The following USP32 variants were observed in gnomAD, a reference collection of about 807,000 sequenced individuals.
The protein encoded by USP32 is ubiquitin specific peptidase 32.
USP32 carries 59 observed loss-of-function variants against 204.8 expected under a neutral mutation model. That is an observed-to-expected ratio of 0.29 (90% CI 0.23 to 0.36). The LOEUF is 0.36. Ranked by LOEUF, USP32 falls within the 10% of genes least tolerant of loss-of-function variation. The probability of loss-of-function intolerance (pLI) is 1.00; values close to 1 mark genes in which losing one functional copy is unlikely to be tolerated. For synonymous variants in USP32, 517 were observed against 678.4 expected, an observed-to-expected ratio of 0.76 and a Z score of 3.70; for missense variants, 1,160 against 1,946.4, an observed-to-expected ratio of 0.60 and a Z score of 7.60.
chr17:60,416,665 G>A (rs1051048576), intron 1 of USP32, among the ~76,000 whole-genome samples: 2 of 152,034 alleles, frequency 1.3e-5, no homozygotes, highest in Non-Finnish European at 2.9e-5. Context: ...AGGTTCAATT[G>A]TCTCTTCAGG....
chr17:60,363,358 G>A (rs1051180201), intron 1 of USP32, among the ~76,000 whole-genome samples: 2 of 150,962 alleles, frequency 1.3e-5, no homozygotes, highest in Non-Finnish European at 3.0e-5. Context: ...AGGAGGCTGA[G>A]GCAGGAGAAT....
intron 5 of USP32, 22 bp downstream of exon 5, chr17:60,288,501 A>G (rs749701471): frequency 1.3e-6 from 2 of 1,564,058 alleles, no homozygotes; most frequent in South Asian, 2.4e-5. Flanking sequence ...CAAACAGAAA[A>G]CAATGAAATG....
chr17:60,314,615 C>G (rs1215688504), intron 2 of USP32, among the ~76,000 whole-genome samples: 3 of 152,016 alleles, frequency 2.0e-5, no homozygotes, highest in Admixed American at 2.0e-4. Flanking sequence ...TGAAAAACCA[C>G]CAAGCTTTTT....
chr17:60,375,236 A>C (rs1360863757), intron 1 of USP32, among the ~76,000 whole-genome samples: 2 of 152,188 alleles, frequency 1.3e-5, no homozygotes, highest in East Asian at 3.8e-4. Flanking sequence ...ACCAACTGTG[A>C]GAGAGTTTTT....
intron 2 of USP32, among the ~76,000 whole-genome samples, chr17:60,341,658 C>T (rs1001897108): frequency 9.9e-5 from 15 of 152,106 alleles, no homozygotes; most frequent in Non-Finnish European, 7.4e-5. Flanking sequence ...ATTTGATATT[C>T]GATCACTGAT....
At chr17:60,268,042 C>T (rs2086638980) in intron 7 of USP32, among the ~76,000 whole-genome samples, 1 of 151,694 alleles carries the variant, frequency 6.6e-6, no homozygotes, top group African/African-American at 2.4e-5. Flanking sequence ...AACTCCTGAC[C>T]TCAGATGATC....
At chr17:60,256,816 G>T in intron 9 of USP32, 1 of 1,053,056 alleles carries the variant, frequency 9.5e-7, no homozygotes. Context: ...CATACTTATA[G>T]GTGAATTCTG....
intron 1 of USP32, among the ~76,000 whole-genome samples, chr17:60,390,732 T>G (rs551923806): frequency 3.3e-5 from 5 of 152,288 alleles, no homozygotes; most frequent in Admixed American, 1.3e-4. Context: ...TTAATCTAAT[T>G]ACCATTTTAT....
intron 1 of USP32, among the ~76,000 whole-genome samples, chr17:60,404,868 T>C (rs1178544825): frequency 6.6e-6 from 1 of 152,178 alleles, no homozygotes; most frequent in Non-Finnish European, 1.5e-5. Context: ...TAATCACTAC[T>C]AAATGTCCCA....
chr17:60,388,627 G>A lies in USP32; in HGVS notation c.58+3255C>T, dbSNP rs554461914. ...AAGTGTACTTCCTTAGAAAACACAC[G>A]CAATATAAACAAGAGTCAAGGCTTT... On this transcript the variant is annotated intron_variant, in intron 1 of 33. Coordinates refer to ENST00000300896, the MANE Select transcript of USP32 (RefSeq NM_032582.4). 2.6e-5 allele frequency among the ~76,000 whole-genome samples: 4 copies of A among 152,080 alleles called. No individual in the cohort carries two copies. In the East Asian group the frequency reaches 5.8e-4, roughly 22 times the overall value.
In USP32 at chr17:60,178,798, T is replaced by C. The variant is rs1219633989; in HGVS notation, c.*457A>G. On this transcript the variant is annotated 3_prime_UTR_variant, in exon 34 of 34. Transcript: ENST00000300896. Reference sequence around the variant, plus strand: ...GATCTTGCTTTCTCCATCTTGTCAATATAATGGAATAAAACTTCAGGAAAA... The same window carrying C: ...GATCTTGCTTTCTCCATCTTGTCAACATAATGGAATAAAACTTCAGGAAAA... 6.6e-6 allele frequency among the ~76,000 whole-genome samples: 1 copy of C among 152,248 alleles called. No homozygotes were observed. The highest frequency in any genetic ancestry group is 2.4e-5 in the African/African-American group (1 of 41,470).
intron 2 of USP32, among the ~76,000 whole-genome samples, chr17:60,336,383 T>C (rs2088516341): frequency 7.0e-6 from 1 of 143,234 alleles, no homozygotes; most frequent in South Asian, 2.1e-4. Context: ...ACTGTCATCT[T>C]ACAGAAGCCT....
intron 3 of USP32, among the ~76,000 whole-genome samples, chr17:60,297,299 T>C (rs1417453497): frequency 6.6e-6 from 1 of 152,000 alleles, no homozygotes; most frequent in Admixed American, 6.6e-5. Context: ...CTCAGAAGGC[T>C]GAAACAGGAG....
chr17:60,413,868 A>G (rs1488222905), intron 1 of USP32, among the ~76,000 whole-genome samples: 1 of 145,762 alleles, frequency 6.9e-6, no homozygotes, highest in Non-Finnish European at 1.5e-5. Flanking sequence ...TCTCAAAAAA[A>G]AAAAAAAGAA....
intron 4 of USP32, among the ~76,000 whole-genome samples, chr17:60,292,033 G>A (rs2087291682): frequency 6.6e-6 from 1 of 151,534 alleles, no homozygotes; most frequent in African/African-American, 2.4e-5. Flanking sequence ...TGACCTACCT[G>A]CAGATCACCA....
chr17:60,259,363 C>T (rs187232161), intron 9 of USP32, among the ~76,000 whole-genome samples: 277 of 152,048 alleles, frequency 1.8e-3, no homozygotes, highest in African/African-American at 6.2e-3. Context: ...AAACAATTCA[C>T]GTAACAATGC....
chr17:60,279,790 T>A (rs1032579431), intron 5 of USP32, among the ~76,000 whole-genome samples: 2 of 151,058 alleles, frequency 1.3e-5, no homozygotes, highest in Admixed American at 6.6e-5. Flanking sequence ...TGAGCCTAGA[T>A]AGGGCCACTG....
chr17:60,241,740 AAC>A (rs1445159768), intron 11 of USP32, among the ~76,000 whole-genome samples: 1 of 152,220 alleles, frequency 6.6e-6, no homozygotes, highest in African/African-American at 2.4e-5. Context: ...AATGTGTTGT[AAC>A]AGTCCTTTAT....
intron 1 of USP32, among the ~76,000 whole-genome samples, chr17:60,405,369 A>T (rs1048668204): frequency 2.6e-5 from 4 of 151,190 alleles, no homozygotes; most frequent in African/African-American, 9.7e-5. Flanking sequence ...AGCCAACCTA[A>T]TTTTTTTTGT....
Sources: gnomAD v4.1 joint callset for allele counts (sites outside exome capture counted in the v4.1 genomes callset) on GRCh38, gnomAD v4.1.1 for gene constraint, MANE v1.5 for transcripts, NCBI Gene and HGNC (gene_info 2026-07-23, HGNC 2026-07-21) for gene names.